NXN: variants seen among roughly 807,000 people sequenced by gnomAD.
NXN encodes the protein nucleoredoxin 1.
In NXN, 16 loss-of-function variants were observed where a neutral mutation model predicts 48.6. The observed-to-expected ratio is 0.33, with a 90% confidence interval of 0.22 to 0.50. NXN has a LOEUF of 0.50. NXN is among the 20% of genes least tolerant of loss of function. The pLI is 0.98. For missense variants in NXN, 492 were observed against 605.5 expected (o/e 0.81, Z 1.97); for synonymous variants, 281 against 269.6 (o/e 1.04, Z -0.41).
rs2068719486 is a variant in NXN at position 919,115 on chromosome 17, C to A, written c.360+60204G>T. On this transcript the variant is annotated intron_variant, in intron 1 of 7. Transcript: ENST00000336868. This position sits in a 1 kb window ranked among gnomAD's most constrained non-coding sequence, Gnocchi z 5.1. The stretch of plus-strand genomic sequence containing the variant: ...AGGCTCGGTGGCTCACACCTGTAAT[C>A]CCAGCACTTTGGGAGGCTGAGGGTG... 6.6e-6 allele frequency among the ~76,000 whole-genome samples: 1 copy of A among 151,792 alleles called. No homozygotes were observed. Among genetic ancestry groups the A allele is most frequent in the Admixed American group, 6.6e-5 (1 of 15,236 alleles).
intron 1 of NXN, among the ~76,000 whole-genome samples, chr17:974,364 G>GATAT (rs142776512): frequency 6.6e-6 from 1 of 150,760 alleles, no homozygotes; most frequent in African/African-American, 2.4e-5. Context: ...AAAGTATATA[G>GATAT]ATATATATAT....
chr17:943,478 G>C (rs753976749), intron 1 of NXN, among the ~76,000 whole-genome samples: 1 of 152,028 alleles, frequency 6.6e-6, no homozygotes, highest in Non-Finnish European at 1.5e-5. Flanking sequence ...CCAGCCTTGA[G>C]ATCCCAAAAA....
Position 841,682 on chromosome 17 carries a change from GACCATGGCA to G in NXN, c.361-15613_361-15605del, listed in dbSNP as rs1338804724. ...TCACGCCGGCGAGCAGGTCCACCCT[GACCATGGCA>G]CATCTCACGCCGGTGAGCAGGTCCA... On this transcript the variant is annotated intron_variant, in intron 1 of 7. Transcript: ENST00000336868. Among the ~76,000 whole-genome samples the G allele has an allele frequency of 3.2e-4, 42 of 131,578 alleles. 1 individual carries two copies. Among genetic ancestry groups the G allele is most frequent in the African/African-American group, 1.2e-3 (39 of 32,108 alleles). 86.3% of individuals were successfully genotyped at this position (131,578 alleles called of 152,430 possible). A position where few individuals can be genotyped will look rare whatever the true frequency, so the allele number is the denominator to read the frequency against.
chr17:959,075 G>A (rs532972119), intron 1 of NXN: 13 of 290,286 alleles, frequency 4.5e-5, no homozygotes, highest in South Asian at 2.5e-4. Context: ...TCCTCATCAC[G>A]GGCGGTGTGG....
At position 800,857 on chromosome 17, in the gene NXN, G is replaced by T; in HGVS notation, c.*92C>A. The T allele has an allele frequency of 1.2e-6, 1 of 852,480 alleles. No individual in the cohort carries two copies. The highest frequency in any genetic ancestry group is 1.6e-6 in the Non-Finnish European group (1 of 618,866). 52.8% of individuals were successfully genotyped at this position (852,480 alleles called of 1,614,324 possible). A position where few individuals can be genotyped will look rare whatever the true frequency, so the allele number is the denominator to read the frequency against. On this transcript the variant is annotated 3_prime_UTR_variant, in exon 8 of 8. Coordinates refer to ENST00000336868, the MANE Select transcript of NXN (RefSeq NM_022463.5). ...GCTGGACACTTGGGTGGTGGGATTC[G>T]GGGCACGCTGGGTAAGTCCAAGGGC...
At chr17:810,035 G>GTGTGAGTGGCGTGCACGTTACGAGTCCC (rs1911848865) in intron 5 of NXN, among the ~76,000 whole-genome samples, 7 of 101,620 alleles carry the variant, frequency 6.9e-5, no homozygotes. Flanking sequence ...TTAAGAGTCC[G>GTGTGAGTGGCGTGCACGTTACGAGTCCC]TGTGAGTGGC....
chr17:834,924 C>G (rs1913706622), intron 1 of NXN, among the ~76,000 whole-genome samples: 1 of 150,864 alleles, frequency 6.6e-6, no homozygotes, highest in Non-Finnish European at 1.5e-5. Flanking sequence ...AGGCGTGAGC[C>G]ACCACGCCTG....
chr17:902,939 T>G (rs934646373), intron 1 of NXN, among the ~76,000 whole-genome samples: 1 of 151,116 alleles, frequency 6.6e-6, no homozygotes, highest in Non-Finnish European at 1.5e-5. Context: ...CTGGCTAATT[T>G]TTTATATTTT....
intron 1 of NXN, among the ~76,000 whole-genome samples, chr17:936,683 G>A (rs771194307): frequency 1.3e-5 from 2 of 150,590 alleles, no homozygotes; most frequent in Non-Finnish European, 3.0e-5. Context: ...TGGCTAAAAC[G>A]GGGCATCAGA....
intron 1 of NXN, among the ~76,000 whole-genome samples, chr17:934,280 C>T (rs1354265830): frequency 1.3e-5 from 2 of 151,644 alleles, no homozygotes; most frequent in Admixed American, 6.6e-5. Context: ...CCTGTCTCTA[C>T]TAAAAATACA....
chr17:941,646 C>T lies in NXN; in HGVS notation c.360+37673G>A, dbSNP rs201925886. 2.2e-3 allele frequency among the ~76,000 whole-genome samples: 63 copies of T among 29,276 alleles called. 9 individuals are homozygous for T. In the East Asian group the frequency reaches 0.032, roughly 15 times the overall value. 19.2% of individuals were successfully genotyped at this position (29,276 alleles called of 152,430 possible). A position where few individuals can be genotyped will look rare whatever the true frequency, so the allele number is the denominator to read the frequency against. ...ACCAAACACCTCCCTGGATTTACAGCGAACAAGATTCCAGGGCACAGCCAT... is the reference window on the plus strand; with the variant it reads ...ACCAAACACCTCCCTGGATTTACAGTGAACAAGATTCCAGGGCACAGCCAT... On this transcript the variant is annotated intron_variant, in intron 1 of 7. Transcript: ENST00000336868.
At chr17:824,758 G>T (rs192224162) in intron 2 of NXN, among the ~76,000 whole-genome samples, 104 of 152,346 alleles carry the variant, frequency 6.8e-4, no homozygotes, top group African/African-American at 2.5e-3. Context: ...GGTAGGGGGA[G>T]TTGAGAATAC....
intron 1 of NXN, among the ~76,000 whole-genome samples, chr17:862,618 C>T (rs973620499): frequency 7.2e-5 from 11 of 152,200 alleles, no homozygotes; most frequent in African/African-American, 1.9e-4. Context: ...AACATTCCTA[C>T]GGTCCTAAAG....
At chr17:937,188 T>A (rs1004184856) in intron 1 of NXN, among the ~76,000 whole-genome samples, 1 of 152,088 alleles carries the variant, frequency 6.6e-6, no homozygotes, top group African/African-American at 2.4e-5. Context: ...TTCATCATGT[T>A]GGCCGGGCTG....
At chr17:844,320 T>C (rs1213394392) in intron 1 of NXN, among the ~76,000 whole-genome samples, 3 of 144,702 alleles carry the variant, frequency 2.1e-5, no homozygotes. Flanking sequence ...CTGCCCTCCT[T>C]AGCTGGAAGG....
At position 841,600 on chromosome 17, in the gene NXN, C is replaced by T. The variant is rs201069289; in HGVS notation, c.361-15522G>A. 2.6e-3 allele frequency among the ~76,000 whole-genome samples: 230 copies of T among 87,382 alleles called. 6 individuals carry two copies. Among genetic ancestry groups the T allele is most frequent in the Middle Eastern group, 0.014 (2 of 148 alleles). The allele number at this position is 87,382 out of a possible 152,430, so 57.3% of individuals were successfully genotyped here. On this transcript the variant is annotated intron_variant, in intron 1 of 7. Coordinates refer to ENST00000336868, the MANE Select transcript of NXN (RefSeq NM_022463.5). ...GCATCTCACGCCGGCGAGCAGGTCC[C>T]CCCGACCACAGAGCATCTCACACGG...
intron 1 of NXN, among the ~76,000 whole-genome samples, chr17:923,366 AT>A (rs111399184): frequency 6.6e-5 from 10 of 152,178 alleles, no homozygotes; most frequent in Admixed American, 5.2e-4. Flanking sequence ...CACCAAAAAA[AT>A]TTTATATTAG....
intron 1 of NXN, among the ~76,000 whole-genome samples, chr17:923,191 T>G (rs1314273654): frequency 6.6e-6 from 1 of 152,038 alleles, no homozygotes; most frequent in East Asian, 1.9e-4. Context: ...CCCGACACTT[T>G]GGGAGGCCAA....
chr17:948,152 CAA>C (rs1567514775), intron 1 of NXN, among the ~76,000 whole-genome samples: 1 of 151,892 alleles, frequency 6.6e-6, no homozygotes, highest in Non-Finnish European at 1.5e-5. Context: ...ATTTACATAG[CAA>C]TGTATTAGAT....
Sources: allele counts gnomAD v4.1 joint callset (sites outside exome capture counted in the v4.1 genomes callset), GRCh38; gene constraint gnomAD v4.1.1; non-coding constraint Gnocchi (gnomAD v3.1); transcripts MANE v1.5; gene names NCBI Gene and HGNC (gene_info 2026-07-23, HGNC 2026-07-21).